NEU4: variants seen among roughly 807,000 people sequenced by gnomAD.
NEU4 encodes neuraminidase 4, also known as sialidase-4.
In NEU4, 7 loss-of-function variants were observed where a neutral mutation model predicts 9.9. The ratio of observed to expected loss-of-function variants is 0.71; its 90% confidence interval spans 0.40 to 1.33. The LOEUF (loss-of-function observed/expected upper bound fraction) is 1.33, where lower values mean the gene tolerates loss of function less well. NEU4 is among the 40% of genes most tolerant of loss of function. The probability of loss-of-function intolerance (pLI) is 0.01; values close to 1 mark genes in which losing one functional copy is unlikely to be tolerated. For missense variants in NEU4, 717 were observed against 712.6 expected (o/e 1.01, Z -0.07); for synonymous variants, 348 against 316.9 (o/e 1.10, Z -1.04).
rs1284328334 is a variant in NEU4, at chr2:241,816,893, G to T, written c.1300G>T (p.Val434Phe). 6.2e-7 allele frequency: 1 copy of T among 1,612,824 alleles called. No homozygotes were observed. Among genetic ancestry groups the T allele is most frequent in the Non-Finnish European group, 8.5e-7 (1 of 1,179,924 alleles). Reference protein sequence around the residue: ...SIGPAPEGGLVFACLYESGAR... With the variant: ...SIGPAPEGGLFFACLYESGAR... Reference sequence around the variant, plus strand: ...CGGGCCGGCCCCTGAGGGGGGCCTGGTTTTTGCCTGCCTGTACGAGAGCGG... The same window carrying T: ...CGGGCCGGCCCCTGAGGGGGGCCTGTTTTTTGCCTGCCTGTACGAGAGCGG... Residue 434 changes from valine to phenylalanine, a missense_variant, in exon 4 of 4, where the codon GTT becomes TTT. By Grantham distance (50) the Val-to-Phe change is conservative. Transcript: ENST00000407683.
intron 1 of NEU4, among the ~76,000 whole-genome samples, chr2:241,812,942 T>A (rs1041057596): frequency 3.6e-4 from 55 of 152,182 alleles, no homozygotes; most frequent in African/African-American, 1.3e-3. Context: ...GAGGGACACA[T>A]GGCGTCTGCA....
rs897042270 is a variant in NEU4, at chr2:241,812,200, G to A, written c.-3-2282G>A. Among the ~76,000 whole-genome samples, 5 of 151,708 alleles carry A rather than the reference G, an allele frequency of 3.3e-5. 1 individual carries two copies. Among genetic ancestry groups the A allele is most frequent in the Admixed American group, 1.3e-4 (2 of 15,246 alleles). On this transcript the variant is annotated intron_variant, in intron 1 of 3. Transcript: ENST00000407683. ...ACAGGATGGGCTGTGAGGGGTTGGC[G>A]GGGGTGGGGGGGGTGGTCTGTGATG... is the stretch of plus-strand genomic sequence containing the variant.
intron 2 of NEU4, 22 bp from the exon 3 acceptor site, chr2:241,814,870 C>G (rs371883243): frequency 1.9e-6 from 3 of 1,594,716 alleles, no homozygotes; most frequent in African/African-American, 2.7e-5. Flanking sequence ...TCCTGGTCAG[C>G]GGAACTTCCT....
Position 241,816,276 on chromosome 2 carries a change from T to C in NEU4, c.683T>C (p.Val228Ala), listed in dbSNP as rs1700335384. The change falls in exon 4 of 4, where the codon GTG (valine) becomes GCG (alanine). Residue 228 changes from valine (V) to alanine (A), a missense_variant. Transcript: ENST00000407683. The part of the protein sequence containing the change: ...LRSGECQLAA[V>A]DGGQAGSFLY... The stretch of plus-strand genomic sequence containing the variant: ...TCAGGCGAGTGCCAGCTGGCAGCGG[T>C]GGACGGTGGGCAGGCCGGCAGCTTC... 1.3e-6 allele frequency: 2 copies of C among 1,587,198 alleles called. No individual in the cohort carries two copies. Among genetic ancestry groups the C allele is most frequent in the Non-Finnish European group, 8.6e-7 (1 of 1,168,032 alleles).
rs752120069 is a variant in NEU4 at position 241,815,092 on chromosome 2, C to T, written c.402C>T (p.Leu134=). 13 of 1,579,592 alleles carry T rather than the reference C, an allele frequency of 8.2e-6. No individual in the cohort carries two copies. Among genetic ancestry groups the T allele is most frequent in the Admixed American group, 1.7e-5 (1 of 57,740 alleles). The part of the protein sequence containing the change: ...LCCVASRDAG[L]SWGSARDLTE... ...GTGTGGCCAGCCGTGACGCCGGCCT[C>T]TCGTGGGGCAGCGCCCGGGACCTCA... Residue 134 remains leucine (L), a synonymous_variant, in exon 3 of 4, where the codon CTC becomes CTT. Transcript: ENST00000407683.
chr2:241,810,212 C>G (rs533068617), intron 1 of NEU4, among the ~76,000 whole-genome samples: 14 of 152,284 alleles, frequency 9.2e-5, no homozygotes, highest in African/African-American at 3.4e-4. Flanking sequence ...GGACACTGGG[C>G]CCACAGGCAC....
chr2:241,816,333 G>C lies in NEU4; in HGVS notation c.740G>C (p.Ser247Thr). The C allele has an allele frequency of 6.3e-7, 1 of 1,578,776 alleles. No homozygotes were observed. Among genetic ancestry groups the C allele is most frequent in the Non-Finnish European group, 8.6e-7 (1 of 1,164,952 alleles). Residue 247 changes from serine to threonine, a missense_variant, in exon 4 of 4, where the codon AGC becomes ACC. By Grantham distance (58) the Ser-to-Thr change is moderately conservative (BLOSUM62 1). Transcript: ENST00000407683. Reference protein sequence around the residue: ...LYCNARSPLGSRVQALSTDEG... With the variant: ...LYCNARSPLGTRVQALSTDEG... ...TGCAATGCCCGGAGCCCACTGGGCAGCCGTGTGCAGGCGCTCAGCACTGAC... is the reference window on the plus strand; with the variant it reads ...TGCAATGCCCGGAGCCCACTGGGCACCCGTGTGCAGGCGCTCAGCACTGAC...
rs752680345 is a variant in NEU4, at chr2:241,815,142, TGCAGGGTAGGCGG to T, written c.457+3_457+15del. 3.2e-6 allele frequency: 5 copies of T among 1,556,738 alleles called. No individual in the cohort carries two copies. Among genetic ancestry groups the T allele is most frequent in the Non-Finnish European group, 4.3e-6 (5 of 1,153,408 alleles). ...ACCGAGGAGGCCATCGGTGGTGCCG[TGCAGGGTAGGCGG>T]GCAGGGTGCCGGTCTGGGTCCCTTT... On this transcript the variant is annotated splice_donor_variant and splice_donor_5th_base_variant and coding_sequence_variant and intron_variant, in exon 3 of 4. Transcript: ENST00000407683. LOFTEE classifies it high-confidence loss of function.
chr2:241,811,514 C>G, intron 1 of NEU4: 3 of 1,437,768 alleles, frequency 2.1e-6, no homozygotes, highest in Non-Finnish European at 2.8e-6. Flanking sequence ...ACCCGGGCGC[C>G]CGGGGTCAGG....
chr2:241,811,560 C>T lies in NEU4; in HGVS notation c.-4+2286C>T, dbSNP rs1700117481. On this transcript the variant is annotated intron_variant, in intron 1 of 3. Transcript: ENST00000407683. ...GAGGTATCTGTCCAGCTGGCCGCCC[C>T]CTCTGTCTGGGGGTGCTGGACGAGT... 2.7e-6 allele frequency: 3 copies of T among 1,131,014 alleles called. No individual in the cohort carries two copies. The South Asian group carries it at 7.9e-5, about 30-fold the overall frequency. The allele number at this position is 1,131,014 out of a possible 1,614,324, so 70.1% of individuals were successfully genotyped here.
chr2:241,811,110 T>C, intron 1 of NEU4: 1 of 1,199,758 alleles, frequency 8.3e-7, no homozygotes, highest in African/African-American at 1.6e-5. Flanking sequence ...CAGACCCGTG[T>C]CCCTCTGGGA....
In NEU4 at chr2:241,815,022, A is replaced by G; in HGVS notation, c.332A>G (p.Glu111Gly). 1 of 1,603,036 alleles carries G rather than the reference A, an allele frequency of 6.2e-7. No individual in the cohort carries two copies. Among genetic ancestry groups the G allele is most frequent in the Non-Finnish European group, 8.5e-7 (1 of 1,178,620 alleles). ...ATCGCGGTGCTGGGCCACACGCCTG[A>G]GGCCGTGCAGATCGCCACGGGAAGG... ...FFIAVLGHTP[E>G]AVQIATGRNA... is the part of the protein sequence containing the mutation. The change falls in exon 3 of 4, where the codon GAG (glutamate) becomes GGG (glycine). Residue 111 changes from glutamate to glycine, a missense_variant. Transcript: ENST00000407683.
intron 1 of NEU4, among the ~76,000 whole-genome samples, chr2:241,810,195 G>A (rs1700068018): frequency 1.3e-5 from 2 of 152,174 alleles, no homozygotes; most frequent in African/African-American, 2.4e-5. Flanking sequence ...GGGGCTGTGA[G>A]TGCACAGGAC....
intron 1 of NEU4, chr2:241,811,275 T>C (rs1222819964): frequency 1.3e-5 from 17 of 1,272,910 alleles, no homozygotes; most frequent in Non-Finnish European, 1.7e-5. Flanking sequence ...GGTGCCCATC[T>C]GCACCCCTGG....
Position 241,809,275 on chromosome 2 carries a change from G to T in NEU4, c.-4+1G>T. Reference sequence around the variant, plus strand: ...TTGAGGTTGGCGGGAACTGAAACTGGTACGGTCTTTTTGAATAGAAATTTG... The same window carrying T: ...TTGAGGTTGGCGGGAACTGAAACTGTTACGGTCTTTTTGAATAGAAATTTG... On this transcript the variant is annotated splice_donor_variant, in intron 1 of 3. Coordinates refer to ENST00000407683, the MANE Select transcript of NEU4 (RefSeq NM_001167600.3). LOFTEE classifies it low-confidence loss of function (5UTR_SPLICE). 7.8e-7 allele frequency: 1 copy of T among 1,287,664 alleles called. No individual in the cohort carries two copies. The highest frequency in any genetic ancestry group is 1.0e-6 in the Non-Finnish European group (1 of 987,342). The allele number at this position is 1,287,664 out of a possible 1,614,324, so 79.8% of individuals were successfully genotyped here.
chr2:241,814,265 G>A (rs539663218), intron 1 of NEU4: 14 of 626,134 alleles, frequency 2.2e-5, no homozygotes, highest in Admixed American at 1.5e-4. Flanking sequence ...GACATTTGGG[G>A]TGGAGTGGGT....
rs765942864 is a variant in NEU4, at chr2:241,815,043, G to A, written c.353G>A (p.Gly118Glu). The A allele has an allele frequency of 1.0e-5, 16 of 1,596,368 alleles. No homozygotes were observed. The highest frequency in any genetic ancestry group is 8.5e-5 in the Admixed American group (5 of 58,912). The change falls in exon 3 of 4, where the codon GGA (glycine) becomes GAA (glutamate). Residue 118 changes from glycine to glutamate, a missense_variant. Physicochemically the swap from Gly to Glu is moderately conservative, Grantham distance 98. Transcript: ENST00000407683. ...CCTGAGGCCGTGCAGATCGCCACGG[G>A]AAGGAACGCCGCGCGCCTCTGCTGT... ...HTPEAVQIAT[G>E]RNAARLCCVA...
Position 241,816,832 on chromosome 2 carries a change from C to T in NEU4, c.1239C>T (p.Tyr413=), listed in dbSNP as rs764125355. The change falls in exon 4 of 4, where the codon TAC becomes TAT. Residue 413 remains tyrosine (Y), a synonymous_variant. Transcript: ENST00000407683. ...GCTGGACAGAGCCCTGGGTGATCTA[C>T]GAGGGCCCCAGCGGCTACTCCGACC... ...PRSWTEPWVI[Y]EGPSGYSDLA... 28 of 1,609,978 alleles carry T rather than the reference C, an allele frequency of 1.7e-5. No homozygotes were observed. Among genetic ancestry groups the T allele is most frequent in the East Asian group, 8.9e-5 (4 of 44,826 alleles).
chr2:241,811,535 G>C (rs1700116745), intron 1 of NEU4: 1 of 1,325,700 alleles, frequency 7.5e-7, no homozygotes, highest in Non-Finnish European at 1.0e-6. Flanking sequence ...ACCCGCTCCT[G>C]AGGTATCTGT....
Sources: gnomAD v4.1 joint callset for allele counts (sites outside exome capture counted in the v4.1 genomes callset) on GRCh38, gnomAD v4.1.1 for gene constraint, MANE v1.5 for transcripts, NCBI Gene and HGNC (gene_info 2026-07-23, HGNC 2026-07-21) for gene names.